Variants in DCDC1 observed in about 807,000 individuals in gnomAD.
DCDC1 encodes the protein doublecortin domain-containing protein 1.
A neutral mutation model predicts 178.3 loss-of-function variants in DCDC1; 200 were observed. The observed-to-expected ratio is 1.12, with a 90% CI of 1.00 to 1.26. The LOEUF is 1.26. DCDC1 is among the 50% of genes most tolerant of loss of function. The pLI, the probability that DCDC1 is intolerant of heterozygous loss-of-function variation, is 0.00. For synonymous variants in DCDC1, 690 were observed against 604.8 expected, an observed-to-expected ratio of 1.14 and a Z score of -2.07; for missense variants, 1,983 against 1,749.2, an observed-to-expected ratio of 1.13 and a Z score of -2.38.
intron 20 of DCDC1, among the ~76,000 whole-genome samples, chr11:30,984,097 T>TG (rs774650620): frequency 6.6e-6 from 1 of 152,152 alleles, no homozygotes; most frequent in Non-Finnish European, 1.5e-5. Flanking sequence ...AAAATTACTG[T>TG]GCATCATACA....
Position 31,130,335 on chromosome 11 carries a change from T to C in DCDC1, c.1315-2696A>G, listed in dbSNP as rs564785046. On this transcript the variant is annotated intron_variant, in intron 10 of 38. Transcript: ENST00000684477. ...CATATATGTGACATCAGAATTCCTA[T>C]GTGATTTGCTTTGGCCAGTGAAATA... Among the ~76,000 whole-genome samples, 9 of 152,344 alleles carry C rather than the reference T, an allele frequency of 5.9e-5. No homozygotes were observed. In the South Asian group the frequency reaches 1.9e-3, roughly 32 times the overall value.
intron 20 of DCDC1, among the ~76,000 whole-genome samples, chr11:31,027,087 G>A (rs1181938781): frequency 6.6e-6 from 1 of 151,630 alleles, no homozygotes; most frequent in Non-Finnish European, 1.5e-5. Flanking sequence ...AACATCATTT[G>A]CATCATTTAT....
At chr11:31,186,064 A>G (rs1274823433) in intron 9 of DCDC1, among the ~76,000 whole-genome samples, 1 of 152,140 alleles carries the variant, frequency 6.6e-6, no homozygotes, top group African/African-American at 2.4e-5. Context: ...AGAGCCAGGG[A>G]GACCTTCCTG....
At chr11:31,065,466 G>C (rs1956192120) in intron 18 of DCDC1, among the ~76,000 whole-genome samples, 1 of 152,000 alleles carries the variant, frequency 6.6e-6, no homozygotes, top group Non-Finnish European at 1.5e-5. Context: ...CTAGATACAA[G>C]GTATTATTGT....
intron 2 of DCDC1, among the ~76,000 whole-genome samples, chr11:31,334,786 G>C (rs1265408559): frequency 6.6e-6 from 1 of 152,154 alleles, no homozygotes; most frequent in Non-Finnish European, 1.5e-5. Flanking sequence ...TCGTCCCAGA[G>C]GGGTACCCGC....
intron 11 of DCDC1, among the ~76,000 whole-genome samples, chr11:31,122,726 A>G (rs562383458): frequency 2.6e-4 from 40 of 152,236 alleles, no homozygotes; most frequent in African/African-American, 8.4e-4. Context: ...CAAAAATGAA[A>G]GAAAGAAGAC....
intron 8 of DCDC1, among the ~76,000 whole-genome samples, chr11:31,242,021 C>A (rs1246841255): frequency 1.3e-5 from 2 of 151,926 alleles, no homozygotes; most frequent in Non-Finnish European, 2.9e-5. Context: ...GTAGAGCACT[C>A]TATATACCTA....
At chr11:31,243,102 T>C (rs1591520782) in intron 8 of DCDC1, among the ~76,000 whole-genome samples, 1 of 151,710 alleles carries the variant, frequency 6.6e-6, no homozygotes, top group Non-Finnish European at 1.5e-5. Context: ...CTAAGTCTTA[T>C]AACAAACAAC....
In DCDC1 at chr11:30,915,499, T is replaced by G. The variant is rs774593672; in HGVS notation, c.3653+12A>C. 8.7e-6 allele frequency: 14 copies of G among 1,613,600 alleles called. No homozygotes were observed. Among genetic ancestry groups the G allele is most frequent in the Non-Finnish European group, 1.2e-5 (14 of 1,179,708 alleles). On this transcript the variant is annotated intron_variant, in intron 27 of 38. Coordinates refer to ENST00000684477, the MANE Select transcript of DCDC1 (RefSeq NM_001387274.1). The stretch of plus-strand genomic sequence containing the variant: ...CCTTTTGATATAGTAAACCCAAATA[T>G]AATGGGATTACCTGCTGTCTTCCTG...
At chr11:31,345,926 G>A (rs546481723) in intron 1 of DCDC1, among the ~76,000 whole-genome samples, 3 of 152,278 alleles carry the variant, frequency 2.0e-5, no homozygotes, top group Admixed American at 6.5e-5. Context: ...TTGTCATCAT[G>A]AGATGAAAAG....
chr11:31,035,724 C>A (rs1043746878), intron 20 of DCDC1, among the ~76,000 whole-genome samples: 1 of 152,226 alleles, frequency 6.6e-6, no homozygotes, highest in East Asian at 1.9e-4. Context: ...AAATGTCTTG[C>A]TTTTCCTTAA....
intron 21 of DCDC1, among the ~76,000 whole-genome samples, chr11:30,938,462 T>A (rs1947419686): frequency 3.3e-5 from 5 of 152,150 alleles, no homozygotes; most frequent in Admixed American, 2.6e-4. Context: ...GCAGCTTAAC[T>A]CCTTCTCTCC....
In DCDC1 at chr11:30,915,546, A is replaced by G. The variant is rs1945772395; in HGVS notation, c.3618T>C (p.Gly1206=). Residue 1206 remains glycine, a synonymous_variant, in exon 27 of 39, where the codon GGT becomes GGC. Transcript: ENST00000684477. ...CCTGGTGTATCCAGCGCTGATGACT[A>G]CCATCAGATTTCTTCTCCACCAAAA... ...EVVLVEKKSD[G]SHQRWIHQED... 5.0e-6 allele frequency: 8 copies of G among 1,613,914 alleles called. No homozygotes were observed. Among genetic ancestry groups the G allele is most frequent in the Non-Finnish European group, 6.8e-6 (8 of 1,179,850 alleles).
chr11:30,867,319 C>A (rs1310985131), intron 38 of DCDC1, among the ~76,000 whole-genome samples: 2 of 152,206 alleles, frequency 1.3e-5, no homozygotes, highest in African/African-American at 4.8e-5. Context: ...CACTTATTGG[C>A]TGGTGCCTTT....
chr11:31,325,521 A>G (rs1271675791), intron 3 of DCDC1, among the ~76,000 whole-genome samples: 1 of 152,120 alleles, frequency 6.6e-6, no homozygotes, highest in Non-Finnish European at 1.5e-5. Flanking sequence ...GTCCTGGTAC[A>G]GAGGTTTTCA....
chr11:31,256,645 C>T (rs754379776), intron 8 of DCDC1, among the ~76,000 whole-genome samples: 23 of 152,090 alleles, frequency 1.5e-4, no homozygotes, highest in Non-Finnish European at 3.2e-4. Context: ...TTAACTTCAG[C>T]GGTGTCTAGC....
At chr11:30,943,693 C>T (rs1483356320) in intron 21 of DCDC1, 2 of 446,168 alleles carry the variant, frequency 4.5e-6, no homozygotes, top group Non-Finnish European at 8.9e-6. Context: ...CAAAAGAAAC[C>T]AAAAGAATTT....
chr11:30,996,697 C>G (rs1951292311), intron 20 of DCDC1, among the ~76,000 whole-genome samples: 1 of 152,186 alleles, frequency 6.6e-6, no homozygotes, highest in East Asian at 1.9e-4. Flanking sequence ...ACCAAACATG[C>G]TGGTGCCTTG....
intron 7 of DCDC1, among the ~76,000 whole-genome samples, chr11:31,270,327 A>G (rs550137346): frequency 1.8e-4 from 28 of 152,256 alleles, no homozygotes; most frequent in Non-Finnish European, 3.1e-4. Flanking sequence ...TTGATCATTT[A>G]CATATCTTCT....
Sources: allele counts gnomAD v4.1 joint callset (sites outside exome capture counted in the v4.1 genomes callset), GRCh38; gene constraint gnomAD v4.1.1; transcripts MANE v1.5; gene names NCBI Gene and HGNC (gene_info 2026-07-23, HGNC 2026-07-21).